DACH2: variants seen among roughly 807,000 people sequenced by gnomAD.
DACH2 encodes the protein dachshund family transcription factor 2, also known as dachshund homolog 2.
A neutral mutation model predicts 35.8 loss-of-function variants in DACH2; 17 were observed. The observed-to-expected ratio is 0.48, with a 90% confidence interval of 0.33 to 0.71. The LOEUF (loss-of-function observed/expected upper bound fraction) is 0.71. Among genes scored for constraint, DACH2 ranks in the 30% least tolerant of loss-of-function variants. The pLI is 0.02. For missense variants in DACH2, 469 were observed against 472.7 expected (o/e 0.99, Z 0.07); for synonymous variants, 195 against 177.3 (o/e 1.10, Z -0.79).
intron 3 of DACH2, 71 bp from the exon 4 acceptor site, chrX:86,650,965 C>T (rs2040471050): frequency 4.0e-6 from 4 of 989,790 alleles, no homozygotes. Context: ...CACTTGTACC[C>T]CCAAATCTAA....
intron 1 of DACH2, among the ~76,000 whole-genome samples, chrX:86,375,400 T>C (rs868775363): frequency 2.4e-4 from 24 of 100,371 alleles, no homozygotes; most frequent in South Asian, 4.2e-4. Flanking sequence ...TATATATATA[T>C]ACATATATAT....
At chrX:86,172,799 G>T (rs2031170342) in intron 1 of DACH2, among the ~76,000 whole-genome samples, 1 of 111,736 alleles carries the variant, frequency 8.9e-6, no homozygotes. Flanking sequence ...TTTCTTTAAG[G>T]TGCATGTCCT....
At chrX:86,451,787 C>T (rs2037382491) in intron 2 of DACH2, among the ~76,000 whole-genome samples, 1 of 110,526 alleles carries the variant, frequency 9.0e-6, no homozygotes, top group African/African-American at 3.3e-5. Context: ...ATCATGTCAT[C>T]TGCATACAAA....
At chrX:86,206,080 AT>A (rs775721512) in intron 1 of DACH2, among the ~76,000 whole-genome samples, 1 of 111,668 alleles carries the variant, frequency 9.0e-6, no homozygotes, top group East Asian at 2.8e-4. Context: ...CCACTAATAA[AT>A]GATTAGAAGA....
intron 3 of DACH2, among the ~76,000 whole-genome samples, chrX:86,525,408 A>C (rs143325553): frequency 2.7e-5 from 3 of 111,339 alleles, no homozygotes; most frequent in Non-Finnish European, 3.8e-5. Context: ...AGTAGTTTAC[A>C]TGTGGGGCAG....
At chrX:86,489,941 C>T (rs919678648) in intron 2 of DACH2, among the ~76,000 whole-genome samples, 1 of 111,731 alleles carries the variant, frequency 9.0e-6, no homozygotes. Context: ...TAGAAAGTTA[C>T]TAGAAAATAG....
intron 3 of DACH2, among the ~76,000 whole-genome samples, chrX:86,517,477 T>A (rs6617231): frequency 9.8e-6 from 1 of 102,528 alleles, no homozygotes; most frequent in Non-Finnish European, 2.0e-5. Context: ...AGTGCAGTGG[T>A]GCAATCTCGG....
chrX:86,533,219 T>G (rs1416563539), intron 3 of DACH2, among the ~76,000 whole-genome samples: 1 of 110,898 alleles, frequency 9.0e-6, no homozygotes, highest in African/African-American at 3.3e-5. Flanking sequence ...ATGGCTAAAT[T>G]TTTTGTGTTG....
At chrX:86,557,025 G>T (rs1044830640) in intron 3 of DACH2, among the ~76,000 whole-genome samples, 3 of 108,348 alleles carry the variant, frequency 2.8e-5, no homozygotes, top group African/African-American at 1.0e-4. Flanking sequence ...GGGGCTGCTG[G>T]TATAAGTCCA....
chrX:86,830,045 T>G (rs2042598170), intron 11 of DACH2: 1 of 111,703 alleles, frequency 9.0e-6, no homozygotes, highest in Non-Finnish European at 1.9e-5. Context: ...CTGTTCCTAA[T>G]GAAGCGAGCA....
intron 1 of DACH2, among the ~76,000 whole-genome samples, chrX:86,329,358 G>A (rs916635418): frequency 1.8e-5 from 2 of 111,037 alleles, no homozygotes; most frequent in African/African-American, 6.5e-5. Context: ...GCCAGTGGGG[G>A]TGGAAGAGTG....
intron 3 of DACH2, among the ~76,000 whole-genome samples, chrX:86,526,781 G>A (rs1022886760): frequency 9.1e-6 from 1 of 109,729 alleles, no homozygotes; most frequent in African/African-American, 3.3e-5. Flanking sequence ...ATGATTAGTA[G>A]AAATGAAAAT....
At chrX:86,505,394 C>T (rs1313668589) in intron 2 of DACH2, among the ~76,000 whole-genome samples, 1 of 111,851 alleles carries the variant, frequency 8.9e-6, no homozygotes, top group Non-Finnish European at 1.9e-5. Context: ...AATTTTTCAT[C>T]TTGCAAAACT....
At chrX:86,514,773 G>A (rs1450688901) in intron 3 of DACH2, among the ~76,000 whole-genome samples, 2 of 111,040 alleles carry the variant, frequency 1.8e-5, no homozygotes, top group East Asian at 5.7e-4. Flanking sequence ...CAGTGGTTCT[G>A]GGCATTCATG....
intron 1 of DACH2, among the ~76,000 whole-genome samples, chrX:86,188,864 G>A (rs760956824): frequency 1.8e-5 from 2 of 111,994 alleles, no homozygotes; most frequent in Non-Finnish European, 3.8e-5. Flanking sequence ...AAAAGTTTGT[G>A]GTATTTTAAG....
intron 1 of DACH2, among the ~76,000 whole-genome samples, chrX:86,277,554 G>A (rs1330050906): frequency 8.0e-5 from 9 of 112,266 alleles, no homozygotes; most frequent in Non-Finnish European, 1.3e-4. Context: ...AAATTCAAGC[G>A]ATTTTCTTAT....
intron 7 of DACH2, among the ~76,000 whole-genome samples, chrX:86,778,097 C>A (rs1482350325): frequency 1.8e-5 from 2 of 111,570 alleles, no homozygotes; most frequent in African/African-American, 6.5e-5. Flanking sequence ...CTGCAGCAAA[C>A]CTGGGTGTGC....
At chrX:86,759,560 G>GT (rs373909049) in intron 7 of DACH2, among the ~76,000 whole-genome samples, 27,681 of 92,287 alleles carry the variant, frequency 0.3, 3,263 homozygotes, top group Non-Finnish European at 0.37. Context: ...GTTGTTGTTT[G>GT]TTTTTTTTTT....
At chrX:86,410,528 G>A (rs1308402616) in intron 2 of DACH2, among the ~76,000 whole-genome samples, 2 of 111,352 alleles carry the variant, frequency 1.8e-5, no homozygotes, top group Non-Finnish European at 1.9e-5. Context: ...TTTCCACTCT[G>A]GGGGTACAGG....
Sources: gnomAD v4.1 joint callset for allele counts (sites outside exome capture counted in the v4.1 genomes callset) on GRCh38, gnomAD v4.1.1 for gene constraint, MANE v1.5 for transcripts, NCBI Gene and HGNC (gene_info 2026-07-23, HGNC 2026-07-21) for gene names.